SHROOM3: variants seen among roughly 807,000 people sequenced by gnomAD.
The protein encoded by SHROOM3 is shroom family member 3.
A neutral mutation model predicts 138.6 loss-of-function variants in SHROOM3; 47 were observed. The ratio of observed to expected loss-of-function variants is 0.34; its 90% CI spans 0.27 to 0.43. The LOEUF (loss-of-function observed/expected upper bound fraction) is 0.43. SHROOM3 is among the 20% of genes least tolerant of loss of function. The pLI, the probability that SHROOM3 is intolerant of heterozygous loss-of-function variation, is 1.00. For missense variants in SHROOM3, 2,491 were observed against 2,596.5 expected (o/e 0.96, Z 0.88); for synonymous variants, 1,062 against 1,063.3 (o/e 1.00, Z 0.02).
chr4:76,553,191 C>T (rs1560543526), intron 1 of SHROOM3, among the ~76,000 whole-genome samples: 4 of 152,160 alleles, frequency 2.6e-5, no homozygotes, highest in Admixed American at 2.0e-4. Flanking sequence ...CTCGCTCTGT[C>T]GCCTAGGCTG....
chr4:76,747,432 T>G (rs1721476259), intron 5 of SHROOM3, among the ~76,000 whole-genome samples: 2 of 152,328 alleles, frequency 1.3e-5, no homozygotes, highest in African/African-American at 2.4e-5. Flanking sequence ...GATAGAAGAT[T>G]CAGAGAATTC....
intron 1 of SHROOM3, among the ~76,000 whole-genome samples, chr4:76,488,650 G>C (rs2109992074): frequency 6.6e-6 from 1 of 152,258 alleles, no homozygotes; most frequent in African/African-American, 2.4e-5. Context: ...ATGGCTGAGG[G>C]TTTGAAAAGA....
intron 2 of SHROOM3, among the ~76,000 whole-genome samples, chr4:76,683,926 C>A (rs1293784628): frequency 6.6e-6 from 1 of 152,122 alleles, no homozygotes; most frequent in South Asian, 2.1e-4. Context: ...CTTCTTCCTG[C>A]AATGCCACTC....
Position 76,591,980 on chromosome 4 carries a change from G to A in SHROOM3, c.323+36217G>A, listed in dbSNP as rs930848717. Among the ~76,000 whole-genome samples the A allele has an allele frequency of 2.6e-5, 4 of 152,302 alleles. 1 individual carries two copies. The South Asian group carries it at 8.3e-4, about 32-fold the overall frequency. On this transcript the variant is annotated intron_variant, in intron 2 of 10. Transcript: ENST00000296043. ...CAAAAATAAGTCAATTGTATTATAGGCTAGAAAATGATAACTGCTATGGAA... is the reference window on the plus strand; with the variant it reads ...CAAAAATAAGTCAATTGTATTATAGACTAGAAAATGATAACTGCTATGGAA...
chr4:76,460,934 A>G (rs1560512990), intron 1 of SHROOM3, among the ~76,000 whole-genome samples: 1 of 151,104 alleles, frequency 6.6e-6, no homozygotes, highest in Non-Finnish European at 1.5e-5. Context: ...TCAAGGCAGT[A>G]GTGAGCCATA....
At chr4:76,547,794 G>A (rs901880631) in intron 1 of SHROOM3, among the ~76,000 whole-genome samples, 1 of 152,056 alleles carries the variant, frequency 6.6e-6, no homozygotes, top group Non-Finnish European at 1.5e-5. Flanking sequence ...ACTGGATGTG[G>A]TAGCGTGCGC....
chr4:76,555,717 T>G lies in SHROOM3; in HGVS notation c.277T>G (p.Ser93Ala). Residue 93 changes from serine (S) to alanine (A), a missense_variant, in exon 2 of 11, where the codon TCC becomes GCC. Physicochemically the swap from Ser to Ala is moderately conservative, Grantham distance 99 (BLOSUM62 1). Coordinates refer to ENST00000296043, the MANE Select transcript of SHROOM3 (RefSeq NM_020859.4). Reference sequence around the variant, plus strand: ...GAGCAGCTCCAGAAAGGAGGCAGTTTCCCTGGTGAAAGGATCCTACAAGAC... The same window carrying G: ...GAGCAGCTCCAGAAAGGAGGCAGTTGCCCTGGTGAAAGGATCCTACAAGAC... ...TLSSSRKEAVSLVKGSYKTLR... is the reference protein window; with the variant it reads ...TLSSSRKEAVALVKGSYKTLR... 6.2e-7 allele frequency: 1 copy of G among 1,613,886 alleles called. No homozygotes were observed. Among genetic ancestry groups the G allele is most frequent in the Non-Finnish European group, 8.5e-7 (1 of 1,179,984 alleles).
intron 5 of SHROOM3, 153 bp downstream of exon 5, chr4:76,742,079 T>C (rs1721277795): frequency 4.0e-6 from 4 of 991,578 alleles, no homozygotes; most frequent in Non-Finnish European, 6.2e-6. Flanking sequence ...TGAGTTGAGT[T>C]TCTCAAGTGT....
chr4:76,663,354 G>T (rs1718595002), intron 2 of SHROOM3, among the ~76,000 whole-genome samples: 1 of 151,924 alleles, frequency 6.6e-6, no homozygotes, highest in Admixed American at 6.6e-5. Context: ...CCCTAATAGA[G>T]AATAAGTAAT....
intron 1 of SHROOM3, among the ~76,000 whole-genome samples, chr4:76,480,849 A>G (rs1012134399): frequency 2.0e-5 from 3 of 152,224 alleles, no homozygotes; most frequent in Non-Finnish European, 4.4e-5. Flanking sequence ...CCGAACAGCT[A>G]CATGGAAACT....
intron 1 of SHROOM3, among the ~76,000 whole-genome samples, chr4:76,487,909 T>G (rs1393732201): frequency 6.6e-6 from 1 of 152,232 alleles, no homozygotes; most frequent in Non-Finnish European, 1.5e-5. Context: ...ATTTCATTAG[T>G]GTCACTTACA....
At chr4:76,693,377 T>TC (rs1268002151) in intron 2 of SHROOM3, among the ~76,000 whole-genome samples, 1 of 125,990 alleles carries the variant, frequency 7.9e-6, no homozygotes, top group Non-Finnish European at 1.6e-5. Context: ...TTTGTTTTTT[T>TC]TTTTTTTTTT....
At position 76,706,559 on chromosome 4, in the gene SHROOM3, C is replaced by G. The variant is rs183868971; in HGVS notation, c.324-3597C>G. Among the ~76,000 whole-genome samples the G allele has an allele frequency of 2.5e-3, 375 of 152,160 alleles. 1 individual carries two copies. Among genetic ancestry groups the G allele is most frequent in the African/African-American group, 8.8e-3 (364 of 41,480 alleles). On this transcript the variant is annotated intron_variant, in intron 2 of 10. Coordinates refer to ENST00000296043, the MANE Select transcript of SHROOM3 (RefSeq NM_020859.4). ...AGGAGGAGTAAGAGGATGGGTTGGT[C>G]TTGCTGTCTTGGGTGGCAGAGATGG...
At position 76,551,924 on chromosome 4, in the gene SHROOM3, C is replaced by T. The variant is rs187414393; in HGVS notation, c.169-3685C>T. Among the ~76,000 whole-genome samples the T allele has an allele frequency of 4.9e-3, 747 of 151,086 alleles. 8 individuals are homozygous for T. The highest frequency in any genetic ancestry group is 0.017 in the African/African-American group (697 of 41,226). ...TCACCCAGGCTGGAGTGCAGTGGTG[C>T]GATCTCGGCTCACTGCAAGCTCTGC... On this transcript the variant is annotated intron_variant, in intron 1 of 10. Coordinates refer to ENST00000296043, the MANE Select transcript of SHROOM3 (RefSeq NM_020859.4).
At chr4:76,464,534 T>C (rs1304733642) in intron 1 of SHROOM3, among the ~76,000 whole-genome samples, 1 of 152,036 alleles carries the variant, frequency 6.6e-6, no homozygotes, top group Non-Finnish European at 1.5e-5. Context: ...TGGGAAGGCA[T>C]AATTATGTTT....
rs1377384200 is a variant in SHROOM3, at chr4:76,780,550, A to AG, written c.*1373_*1374insG. On this transcript the variant is annotated 3_prime_UTR_variant, in exon 11 of 11. Transcript: ENST00000296043. ...ATTTTGAAGTAAAAAAAAAAAAAAA[A>AG]TGACAAGGGAACCAAATGCTCCTTC... The AG allele has an allele frequency of 6.6e-6, 1 of 151,818 alleles. No individual in the cohort carries two copies. The highest frequency in any genetic ancestry group is 1.5e-5 in the Non-Finnish European group (1 of 67,954). The allele number at this position is 151,818 out of a possible 1,614,324, so 9.4% of individuals were successfully genotyped here. A position where few individuals can be genotyped will look rare whatever the true frequency, so the allele number is the denominator to read the frequency against.
intron 2 of SHROOM3, among the ~76,000 whole-genome samples, chr4:76,631,629 A>G (rs4582178): frequency 0.29 from 44,318 of 152,058 alleles, 6,609 homozygotes; most frequent in East Asian, 0.43. Flanking sequence ...TGTGGGAACA[A>G]TCTTAGCAGT....
chr4:76,663,508 C>T (rs1718598888), intron 2 of SHROOM3, among the ~76,000 whole-genome samples: 1 of 152,082 alleles, frequency 6.6e-6, no homozygotes, highest in Non-Finnish European at 1.5e-5. Context: ...AGGTAATAAC[C>T]AGCAGCAAAG....
chr4:76,554,934 A>G (rs1024581171), intron 1 of SHROOM3, among the ~76,000 whole-genome samples: 39 of 151,716 alleles, frequency 2.6e-4, no homozygotes, highest in African/African-American at 8.5e-4. Context: ...CCCGAACCCT[A>G]TTGTGAACTA....
Sources: gnomAD v4.1 joint callset for allele counts (sites outside exome capture counted in the v4.1 genomes callset) on GRCh38, gnomAD v4.1.1 for gene constraint, MANE v1.5 for transcripts, NCBI Gene and HGNC (gene_info 2026-07-23, HGNC 2026-07-21) for gene names.